The following ZNF475 variants were observed in gnomAD, a reference collection of about 807,000 sequenced individuals.
ZNF475 encodes the protein zinc finger protein 475.
chr5:122,166,073 G>C, the ZNF475 span, among the ~76,000 whole-genome samples: 1 of 152,122 alleles, frequency 6.6e-6, no homozygotes, highest in Non-Finnish European at 1.5e-5. Context: ...CCCTTCTAGA[G>C]CCAAAGTTCT....
At chr5:122,164,505 G>A in the ZNF475 span, among the ~76,000 whole-genome samples, 9 of 152,060 alleles carry the variant, frequency 5.9e-5, no homozygotes, top group Non-Finnish European at 8.8e-5. Flanking sequence ...AGACAGCTGC[G>A]GATGCTTAAG....
At chr5:122,165,311 CT>C in the ZNF475 span, among the ~76,000 whole-genome samples, 1 of 152,198 alleles carries the variant, frequency 6.6e-6, no homozygotes, top group Admixed American at 6.5e-5. Flanking sequence ...TGAAAAGCAT[CT>C]GATTCATCCC....
chr5:122,180,355 A>C, the ZNF475 span, among the ~76,000 whole-genome samples: 1 of 152,264 alleles, frequency 6.6e-6, no homozygotes, highest in African/African-American at 2.4e-5. Flanking sequence ...CATATCTTTC[A>C]ATAACACAAA....
chr5:122,161,720 C>A, the ZNF475 span, among the ~76,000 whole-genome samples: 1 of 152,142 alleles, frequency 6.6e-6, no homozygotes, highest in Non-Finnish European at 1.5e-5. Context: ...TCTTGTCTTT[C>A]TTCCATTTTC....
At chr5:122,170,168 G>A in the ZNF475 span, among the ~76,000 whole-genome samples, 45 of 152,086 alleles carry the variant, frequency 3.0e-4, no homozygotes, top group Non-Finnish European at 4.3e-4. Context: ...CTTTTCTATT[G>A]ACAACACTTC....
chr5:122,161,921 T>C, the ZNF475 span, among the ~76,000 whole-genome samples: 218 of 152,010 alleles, frequency 1.4e-3, 1 homozygote, highest in African/African-American at 5.0e-3. Context: ...CTTCCAACTA[T>C]GTTCTTCTAA....
At chr5:122,168,347 G>GT in the ZNF475 span, among the ~76,000 whole-genome samples, 2 of 152,054 alleles carry the variant, frequency 1.3e-5, no homozygotes, top group Non-Finnish European at 2.9e-5. Flanking sequence ...CACATTCATG[G>GT]TTTTTTTACT....
chr5:122,175,621 A>G, the ZNF475 span, among the ~76,000 whole-genome samples: 1 of 152,296 alleles, frequency 6.6e-6, no homozygotes, highest in Middle Eastern at 3.4e-3. Flanking sequence ...TTTATCTCAT[A>G]CTTAGAAGAC....
the ZNF475 span, among the ~76,000 whole-genome samples, chr5:122,181,285 AG>A: frequency 6.6e-6 from 1 of 152,276 alleles, no homozygotes; most frequent in African/African-American, 2.4e-5. Context: ...TCTGAAGTCA[AG>A]GCCCTATGCA....
chr5:122,178,039 C>G, the ZNF475 span, among the ~76,000 whole-genome samples: 1 of 152,102 alleles, frequency 6.6e-6, no homozygotes, highest in Admixed American at 6.6e-5. Flanking sequence ...ATGGTGGTTT[C>G]CAGTTTCATC....
At chr5:122,175,793 T>C in the ZNF475 span, among the ~76,000 whole-genome samples, 1 of 152,176 alleles carries the variant, frequency 6.6e-6, no homozygotes, top group South Asian at 2.1e-4. Context: ...ATTATCCTAT[T>C]TTATTGTGGG....
chr5:122,163,960 T>TC, the ZNF475 span, among the ~76,000 whole-genome samples: 1 of 152,178 alleles, frequency 6.6e-6, no homozygotes, highest in Non-Finnish European at 1.5e-5. Context: ...CCTTTTTTTT[T>TC]TTCTCTCTAA....
the ZNF475 span, among the ~76,000 whole-genome samples, chr5:122,163,650 C>T: frequency 6.6e-6 from 1 of 152,210 alleles, no homozygotes; most frequent in African/African-American, 2.4e-5. Context: ...GAATGACACA[C>T]ATTCAAATAG....
the ZNF475 span, among the ~76,000 whole-genome samples, chr5:122,181,799 A>G: frequency 6.6e-6 from 1 of 152,234 alleles, no homozygotes; most frequent in African/African-American, 2.4e-5. Flanking sequence ...GTTTCTCTAA[A>G]ATAAAGCCAT....
chr5:122,173,595 G>C, the ZNF475 span, among the ~76,000 whole-genome samples: 48,618 of 152,112 alleles, frequency 0.32, 10,797 homozygotes, highest in African/African-American at 0.62. Flanking sequence ...AGAGAAAAGA[G>C]ATTAACAGAA....
the ZNF475 span, among the ~76,000 whole-genome samples, chr5:122,176,168 T>A: frequency 6.6e-6 from 1 of 152,212 alleles, no homozygotes; most frequent in South Asian, 2.1e-4. Flanking sequence ...ACTGCAAATT[T>A]GAACCTTTCT....
the ZNF475 span, among the ~76,000 whole-genome samples, chr5:122,169,710 G>C: frequency 2.0e-5 from 3 of 152,140 alleles, no homozygotes; most frequent in Non-Finnish European, 4.4e-5. Flanking sequence ...AAATTATATG[G>C]CAATATGTCA....
chr5:122,178,222 T>C, the ZNF475 span, among the ~76,000 whole-genome samples: 3 of 152,348 alleles, frequency 2.0e-5, no homozygotes, highest in South Asian at 6.2e-4. Context: ...CCTGTGTCTT[T>C]ATAGTAGAAT....
At chr5:122,175,103 GA>G in the ZNF475 span, among the ~76,000 whole-genome samples, 2 of 151,970 alleles carry the variant, frequency 1.3e-5, no homozygotes, top group East Asian at 1.9e-4. Flanking sequence ...TAAAATAATA[GA>G]AAAAAATTCC....
Sources: allele counts gnomAD v4.1 joint callset (sites outside exome capture counted in the v4.1 genomes callset), GRCh38; gene constraint gnomAD v4.1.1; transcripts MANE v1.5; gene names NCBI Gene and HGNC (gene_info 2026-07-23, HGNC 2026-07-21).